DPH6: variants seen among roughly 807,000 people sequenced by gnomAD.
DPH6 encodes diphthine--ammonia ligase.
A neutral mutation model predicts 38.2 loss-of-function variants in DPH6; 33 were observed. That is an observed-to-expected ratio of 0.86 (90% CI 0.65 to 1.15). The LOEUF is 1.15. DPH6 is among the 50% of genes most tolerant of loss of function. The pLI is 0.00. For synonymous variants in DPH6, 108 were observed against 103.0 expected, an observed-to-expected ratio of 1.05 and a Z score of -0.30; for missense variants, 325 against 320.0, an observed-to-expected ratio of 1.02 and a Z score of -0.12.
intron 6 of DPH6, chr15:35,396,440 G>C (rs2140968648): frequency 6.6e-6 from 1 of 152,064 alleles, no homozygotes; most frequent in Middle Eastern, 3.4e-3. Flanking sequence ...TTCTAAATAA[G>C]TGAGACTAAC....
the DPH6 span, among the ~76,000 whole-genome samples, chr15:35,194,369 C>CAGAGAGAGAGAGAG: frequency 3.1e-3 from 451 of 144,734 alleles, 3 homozygotes; most frequent in African/African-American, 1.0e-2. Flanking sequence ...TTCCTTTTTC[C>CAGAGAGAGAGAGAG]AGAGAGAGAG....
chr15:35,458,168 A>AT (rs1311592882), intron 3 of DPH6, among the ~76,000 whole-genome samples: 1 of 152,018 alleles, frequency 6.6e-6, no homozygotes, highest in Non-Finnish European at 1.5e-5. Context: ...TCCTCATAAT[A>AT]TTTTTTATCT....
At chr15:35,290,480 A>G (rs1278394673) in intron 3 of DPH6, among the ~76,000 whole-genome samples, 1 of 152,210 alleles carries the variant, frequency 6.6e-6, no homozygotes, top group Non-Finnish European at 1.5e-5. Context: ...AACATGTCAG[A>G]GGAGCTGGAG....
chr15:35,330,497 A>G (rs2052319186), downstream of DPH6, among the ~76,000 whole-genome samples: 1 of 152,198 alleles, frequency 6.6e-6, no homozygotes, highest in Non-Finnish European at 1.5e-5. Context: ...TTAAGTACAT[A>G]AATGAGATTT....
At chr15:35,283,090 TTTCTTC>T (rs778085864) in intron 3 of DPH6, 8 of 160,290 alleles carry the variant, frequency 5.0e-5, no homozygotes, top group Middle Eastern at 2.5e-3. Flanking sequence ...TTCTTCCTTC[TTTCTTC>T]TTCTTCTCCC....
chr15:35,351,522 T>C (rs1463828025), intron 3 of DPH6, among the ~76,000 whole-genome samples: 2 of 152,164 alleles, frequency 1.3e-5, no homozygotes, highest in Non-Finnish European at 2.9e-5. Context: ...TGATTTTTCA[T>C]GGTGATGTGC....
At chr15:35,212,132 G>T in the DPH6 span, among the ~76,000 whole-genome samples, 1 of 152,272 alleles carries the variant, frequency 6.6e-6, no homozygotes, top group East Asian at 1.9e-4. Flanking sequence ...AAGCCCCACT[G>T]GTCATATGAA....
chr15:35,504,759 G>C (rs1270747974), intron 3 of DPH6, among the ~76,000 whole-genome samples: 1 of 152,052 alleles, frequency 6.6e-6, no homozygotes, highest in Non-Finnish European at 1.5e-5. Context: ...CCTATGAAAT[G>C]CCTCAACACT....
At chr15:35,480,726 T>A (rs2054316278) in intron 3 of DPH6, among the ~76,000 whole-genome samples, 1 of 151,942 alleles carries the variant, frequency 6.6e-6, no homozygotes, top group Admixed American at 6.6e-5. Context: ...GGATATATAG[T>A]CTTTAAAATA....
At chr15:35,158,555 T>C in the DPH6 span, among the ~76,000 whole-genome samples, 1 of 152,034 alleles carries the variant, frequency 6.6e-6, no homozygotes, top group Non-Finnish European at 1.5e-5. Context: ...ATATATTATA[T>C]AAGAAAAACT....
chr15:35,335,915 G>C (rs763993406), intron 3 of DPH6, among the ~76,000 whole-genome samples: 2 of 152,154 alleles, frequency 1.3e-5, no homozygotes, highest in African/African-American at 2.4e-5. Flanking sequence ...TTCTAATTCT[G>C]TGAAGAATGT....
At chr15:35,298,846 T>C (rs138836184) in intron 3 of DPH6, 2 of 1,048,098 alleles carry the variant, frequency 1.9e-6, no homozygotes, top group South Asian at 1.3e-5. Context: ...TTTGGAAGAC[T>C]GTGATCGAGG....
rs71123126 is a variant in DPH6, at chr15:35,279,048, C to CAAAAA, written n.201-58471_201-58467dup. Among the ~76,000 whole-genome samples, 24 of 70,628 alleles carry CAAAAA rather than the reference C, an allele frequency of 3.4e-4. 1 individual carries two copies. The highest frequency in any genetic ancestry group is 1.1e-3 in the African/African-American group (17 of 15,214). The allele number at this position is 70,628 out of a possible 152,430, so 46.3% of individuals were successfully genotyped here. ...TCAGTGACAGAGTGAGACTCTGTCT[C>CAAAAA]AAAAAAAAAAAAAAAAAAAAATATA... On this transcript the variant is annotated intron_variant and non_coding_transcript_variant, in intron 3 of 3. Transcript: ENST00000560386.
chr15:35,156,012 TTCTTTCACC>T, the DPH6 span, among the ~76,000 whole-genome samples: 1 of 152,210 alleles, frequency 6.6e-6, no homozygotes, highest in Non-Finnish European at 1.5e-5. Flanking sequence ...ACATTTTATA[TTCTTTCACC>T]TCTGATGAAA....
At chr15:35,226,971 G>T (rs957391992) in intron 3 of DPH6, among the ~76,000 whole-genome samples, 6 of 151,958 alleles carry the variant, frequency 3.9e-5, no homozygotes, top group Non-Finnish European at 7.4e-5. Flanking sequence ...TTCTTTACTG[G>T]GAGACTTTTC....
chr15:35,472,404 G>A (rs1168938900), intron 3 of DPH6, among the ~76,000 whole-genome samples: 1 of 152,160 alleles, frequency 6.6e-6, no homozygotes. Flanking sequence ...AAAGTGGCAG[G>A]TCAGCAACAG....
chr15:35,391,059 C>T (rs1178524324), intron 6 of DPH6, among the ~76,000 whole-genome samples: 2 of 152,162 alleles, frequency 1.3e-5, no homozygotes, highest in Non-Finnish European at 2.9e-5. Context: ...TTCCTTCTAA[C>T]AGTCAGGACC....
chr15:35,281,572 CAA>C (rs906237989), intron 3 of DPH6, among the ~76,000 whole-genome samples: 1 of 152,122 alleles, frequency 6.6e-6, no homozygotes, highest in Non-Finnish European at 1.5e-5. Context: ...TAGCTTTTAA[CAA>C]AGTCATGACT....
the DPH6 span, among the ~76,000 whole-genome samples, chr15:35,192,437 C>T: frequency 1.3e-5 from 2 of 152,286 alleles, no homozygotes; most frequent in Non-Finnish European, 2.9e-5. Context: ...AGGTGGTAGT[C>T]CAGCTTGAAG....
Sources: gnomAD v4.1 joint callset for allele counts (sites outside exome capture counted in the v4.1 genomes callset) on GRCh38, gnomAD v4.1.1 for gene constraint, MANE v1.5 for transcripts, NCBI Gene and HGNC (gene_info 2026-07-23, HGNC 2026-07-21) for gene names.